USP10: variants seen among roughly 807,000 people sequenced by gnomAD.
The protein encoded by USP10 is ubiquitin specific peptidase 10.
USP10 carries 22 observed loss-of-function variants against 84.5 expected under a neutral mutation model. The observed-to-expected ratio is 0.26, with a 90% CI of 0.19 to 0.37. The LOEUF (loss-of-function observed/expected upper bound fraction) is 0.37, where lower values mean the gene tolerates loss of function less well. Ranked by LOEUF, USP10 falls within the 10% of genes least tolerant of loss-of-function variation. The pLI is 1.00. For missense variants in USP10, 1,019 were observed against 998.9 expected, an observed-to-expected ratio of 1.02 and a Z score of -0.27; for synonymous variants, 454 against 387.6, an observed-to-expected ratio of 1.17 and a Z score of -2.01.
intron 4 of USP10, among the ~76,000 whole-genome samples, chr16:84,754,734 T>A (rs1422822807): frequency 6.6e-6 from 1 of 152,196 alleles, no homozygotes; most frequent in African/African-American, 2.4e-5. Context: ...CACAAATAAA[T>A]GCTGGGAAAA....
At chr16:84,768,662 C>T (rs1597396559) in intron 11 of USP10, among the ~76,000 whole-genome samples, 1 of 152,304 alleles carries the variant, frequency 6.6e-6, no homozygotes, top group East Asian at 1.9e-4. Flanking sequence ...CTACCTCTGA[C>T]AGAGGCCAAA....
chr16:84,727,060 A>C (rs2150787988), intron 1 of USP10, among the ~76,000 whole-genome samples: 1 of 152,334 alleles, frequency 6.6e-6, no homozygotes, highest in Non-Finnish European at 1.5e-5. Flanking sequence ...GGCATGGCTG[A>C]CAGGGCCTCC....
chr16:84,738,075 AG>A (rs1356438032), intron 2 of USP10, among the ~76,000 whole-genome samples: 1 of 140,180 alleles, frequency 7.1e-6, no homozygotes, highest in Non-Finnish European at 1.5e-5. Context: ...GATGGTGAGC[AG>A]GGTTCTAACA....
chr16:84,726,326 A>G (rs1029175877), intron 1 of USP10, among the ~76,000 whole-genome samples: 1 of 152,212 alleles, frequency 6.6e-6, no homozygotes, highest in Non-Finnish European at 1.5e-5. Context: ...TGAACATTAG[A>G]CATCTTTTCT....
chr16:84,740,223 T>A, intron 2 of USP10, 86 bp from the exon 3 acceptor site: 1 of 1,249,712 alleles, frequency 8.0e-7, no homozygotes. Flanking sequence ...ATTAAGAGTT[T>A]TAATGAATTG....
intron 1 of USP10, among the ~76,000 whole-genome samples, chr16:84,701,317 AT>A (rs1904829648): frequency 6.6e-6 from 1 of 152,204 alleles, no homozygotes; most frequent in African/African-American, 2.4e-5. Flanking sequence ...TTGCATCAGA[AT>A]TTCCCCCTTT....
chr16:84,721,692 C>CTTTGTTTTGT (rs201206784), intron 1 of USP10, among the ~76,000 whole-genome samples: 15 of 151,730 alleles, frequency 9.9e-5, no homozygotes, highest in African/African-American at 3.6e-4. Context: ...CCAAGTCTGG[C>CTTTGTTTTGT]TTTGTTTTGT....
chr16:84,707,031 C>T (rs1232698584), intron 1 of USP10, among the ~76,000 whole-genome samples: 1 of 152,164 alleles, frequency 6.6e-6, no homozygotes, highest in East Asian at 1.9e-4. Flanking sequence ...CAACTCTGTC[C>T]TGTATTATTA....
intron 1 of USP10, among the ~76,000 whole-genome samples, chr16:84,722,668 TCTC>T (rs1436153823): frequency 6.6e-6 from 1 of 152,020 alleles, no homozygotes; most frequent in African/African-American, 2.4e-5. Context: ...TTTAAGCAGT[TCTC>T]CTGCTAGCCT....
At chr16:84,724,478 C>T (rs570719085) in intron 1 of USP10, among the ~76,000 whole-genome samples, 4 of 152,204 alleles carry the variant, frequency 2.6e-5, no homozygotes, top group South Asian at 4.2e-4. Flanking sequence ...AGTACTTTGA[C>T]ATTTGAGTTT....
chr16:84,730,422 T>C (rs960523541), intron 1 of USP10, among the ~76,000 whole-genome samples: 10 of 152,176 alleles, frequency 6.6e-5, no homozygotes, highest in African/African-American at 2.4e-4. Context: ...GGAGAAATTA[T>C]TGACATGAAG....
intron 12 of USP10, among the ~76,000 whole-genome samples, chr16:84,774,540 G>A (rs931126301): frequency 1.3e-4 from 20 of 149,696 alleles, no homozygotes; most frequent in Non-Finnish European, 2.2e-4. Context: ...GCGCGATCTC[G>A]GCTCGCTGCA....
chr16:84,764,683 C>A (rs189893371), intron 10 of USP10, among the ~76,000 whole-genome samples: 24 of 151,968 alleles, frequency 1.6e-4, no homozygotes, highest in African/African-American at 5.6e-4. Flanking sequence ...ATACAAAAAT[C>A]AACCAGGTGT....
chr16:84,743,024 G>A (rs1383931479), intron 3 of USP10, among the ~76,000 whole-genome samples: 1 of 152,146 alleles, frequency 6.6e-6, no homozygotes, highest in Non-Finnish European at 1.5e-5. Flanking sequence ...TCCACATGGA[G>A]CCTTCCGCCC....
At position 84,704,713 on chromosome 16, in the gene USP10, ACTGGCTATTTT is replaced by A. The variant is rs549244182; in HGVS notation, c.21+4613_21+4623del. On this transcript the variant is annotated intron_variant, in intron 1 of 13. Coordinates refer to ENST00000219473, the MANE Select transcript of USP10 (RefSeq NM_005153.3). ...TCTTCAGATCCTAGATTTTTTCTGA[ACTGGCTATTTT>A]CTGGCTATTTGAAAGCTCCTGGGCC... 19 of 1,493,758 alleles carry A rather than the reference ACTGGCTATTTT, an allele frequency of 1.3e-5. No individual in the cohort carries two copies. The African/African-American group carries it at 1.5e-4, about 12-fold the overall frequency. 92.5% of individuals were successfully genotyped at this position (1,493,758 alleles called of 1,614,324 possible). A position where few individuals can be genotyped will look rare whatever the true frequency, so the allele number is the denominator to read the frequency against.
intron 7 of USP10, 103 bp from the exon 8 acceptor site, chr16:84,760,069 C>A: frequency 6.6e-7 from 1 of 1,515,906 alleles, no homozygotes; most frequent in Non-Finnish European, 9.1e-7. Context: ...CCATTCTCAA[C>A]ATTCAGCCAG....
chr16:84,773,964 TG>T (rs901425725), intron 12 of USP10, among the ~76,000 whole-genome samples: 28 of 152,230 alleles, frequency 1.8e-4, no homozygotes, highest in African/African-American at 6.5e-4. Context: ...ATGACATAAA[TG>T]GGGGCTGGGC....
At chr16:84,725,474 C>T (rs1908336457) in intron 1 of USP10, among the ~76,000 whole-genome samples, 2 of 152,162 alleles carry the variant, frequency 1.3e-5, no homozygotes, top group Admixed American at 6.5e-5. Flanking sequence ...GATTTCCGCT[C>T]ACTGCAACCT....
intron 10 of USP10, among the ~76,000 whole-genome samples, chr16:84,766,477 C>G (rs892641772): frequency 5.3e-5 from 8 of 152,250 alleles, no homozygotes; most frequent in African/African-American, 1.9e-4. Flanking sequence ...AGGCTGTGCC[C>G]TTTGCTCCTT....
Sources: gnomAD v4.1 joint callset for allele counts (sites outside exome capture counted in the v4.1 genomes callset) on GRCh38, gnomAD v4.1.1 for gene constraint, MANE v1.5 for transcripts, NCBI Gene and HGNC (gene_info 2026-07-23, HGNC 2026-07-21) for gene names.